HPSE2: variants seen among roughly 807,000 people sequenced by gnomAD.
The protein encoded by HPSE2 is heparanase 2 (inactive).
A neutral mutation model predicts 60.5 loss-of-function variants in HPSE2; 38 were observed. The ratio of observed to expected loss-of-function variants is 0.63; its 90% confidence interval spans 0.48 to 0.82. The LOEUF is 0.82. Among genes scored for constraint, HPSE2 ranks in the 40% least tolerant of loss-of-function variants. The pLI, the probability that HPSE2 is intolerant of heterozygous loss-of-function variation, is 0.00. For missense variants in HPSE2, 713 were observed against 740.4 expected (o/e 0.96, Z 0.43); for synonymous variants, 295 against 293.2 (o/e 1.01, Z -0.06).
chr10:99,234,985 CT>C (rs1849790429), intron 1 of HPSE2, among the ~76,000 whole-genome samples: 1 of 152,096 alleles, frequency 6.6e-6, no homozygotes, highest in Non-Finnish European at 1.5e-5. Flanking sequence ...CAAGCCTCTG[CT>C]TAAATTCGTT....
At chr10:98,597,970 CAAAAAAA>C (rs571184082) in intron 9 of HPSE2, among the ~76,000 whole-genome samples, 33 of 55,148 alleles carry the variant, frequency 6.0e-4, no homozygotes, top group African/African-American at 7.3e-4. Context: ...GACTCCATCT[CAAAAAAA>C]AAAAAAAAAA....
intron 2 of HPSE2, among the ~76,000 whole-genome samples, chr10:99,151,843 G>C (rs1846277464): frequency 6.6e-6 from 1 of 152,108 alleles, no homozygotes; most frequent in South Asian, 2.1e-4. Context: ...TTGAGCTCAG[G>C]AGTTTGAGGT....
chr10:98,923,775 A>G (rs1276859703), intron 3 of HPSE2, among the ~76,000 whole-genome samples: 1 of 152,004 alleles, frequency 6.6e-6, no homozygotes, highest in Non-Finnish European at 1.5e-5. Flanking sequence ...CTCTTTGTTA[A>G]ATTTACCTGA....
intron 6 of HPSE2, among the ~76,000 whole-genome samples, chr10:98,655,572 GT>G (rs1589581898): frequency 1.3e-5 from 2 of 152,182 alleles, no homozygotes; most frequent in Admixed American, 1.3e-4. Flanking sequence ...TTGATTGTCA[GT>G]TTGTTTAGCT....
chr10:99,219,222 T>C (rs554161635), intron 2 of HPSE2, among the ~76,000 whole-genome samples: 4 of 152,208 alleles, frequency 2.6e-5, no homozygotes, highest in Non-Finnish European at 5.9e-5. Context: ...GATTTTGGCA[T>C]CCCACAGAGT....
chr10:98,798,305 A>AC (rs1950827238), intron 3 of HPSE2, among the ~76,000 whole-genome samples: 1 of 152,228 alleles, frequency 6.6e-6, no homozygotes, highest in African/African-American at 2.4e-5. Context: ...TCACCACCAC[A>AC]CCTGTCTTAC....
At chr10:98,559,386 C>T (rs555579648) in intron 9 of HPSE2, among the ~76,000 whole-genome samples, 1 of 152,106 alleles carries the variant, frequency 6.6e-6, no homozygotes, top group South Asian at 2.1e-4. Context: ...ACTTTTTGCC[C>T]TGTGTACTCT....
chr10:98,484,893 GGT>G (rs1941383643), intron 10 of HPSE2, among the ~76,000 whole-genome samples: 1 of 152,054 alleles, frequency 6.6e-6, no homozygotes, highest in African/African-American at 2.4e-5. Context: ...GTTTCTAAGG[GGT>G]CCCTTAGGGC....
intron 2 of HPSE2, among the ~76,000 whole-genome samples, chr10:99,171,539 G>T (rs1405214860): frequency 1.3e-5 from 2 of 151,982 alleles, no homozygotes; most frequent in African/African-American, 4.8e-5. Context: ...AATATCAAGA[G>T]GACCCTAAAA....
chr10:99,141,957 C>T (rs1227902063), intron 3 of HPSE2, among the ~76,000 whole-genome samples: 1 of 152,170 alleles, frequency 6.6e-6, no homozygotes, highest in Non-Finnish European at 1.5e-5. Flanking sequence ...TTACTATACA[C>T]CCATACACAT....
chr10:98,733,060 C>G (rs1048683755), intron 4 of HPSE2, among the ~76,000 whole-genome samples: 2 of 152,086 alleles, frequency 1.3e-5, no homozygotes, highest in Non-Finnish European at 2.9e-5. Context: ...TCAGGTCCTT[C>G]TATTTAATAT....
At chr10:99,148,161 T>G (rs955778502) in intron 2 of HPSE2, among the ~76,000 whole-genome samples, 50 of 152,212 alleles carry the variant, frequency 3.3e-4, no homozygotes, top group African/African-American at 1.2e-3. Flanking sequence ...GCTACATTCC[T>G]TGCCTCCCAA....
At chr10:99,069,041 A>G (rs1790062386) in intron 3 of HPSE2, among the ~76,000 whole-genome samples, 1 of 152,224 alleles carries the variant, frequency 6.6e-6, no homozygotes. Context: ...ACATTTAGGA[A>G]GAAATAATGC....
intron 3 of HPSE2, among the ~76,000 whole-genome samples, chr10:98,755,779 C>T (rs891483251): frequency 4.6e-5 from 7 of 152,078 alleles, no homozygotes; most frequent in East Asian, 1.9e-4. Flanking sequence ...GGGCAGATCA[C>T]GATGTCAGGA....
At chr10:98,839,721 C>T (rs1029264305) in intron 3 of HPSE2, among the ~76,000 whole-genome samples, 1 of 152,118 alleles carries the variant, frequency 6.6e-6, no homozygotes, top group African/African-American at 2.4e-5. Flanking sequence ...CTCCTGAGTT[C>T]TCAGATGACC....
In HPSE2 at chr10:99,011,754, C is replaced by CAAAAAAAAAAAAAAAAAAAAA; in HGVS notation, c.610+132483_610+132484insTTTTTTTTTTTTTTTTTTTTT. Among the ~76,000 whole-genome samples, 2 of 93,108 alleles carry CAAAAAAAAAAAAAAAAAAAAA rather than the reference C, an allele frequency of 2.1e-5. 1 individual carries two copies. The highest frequency in any genetic ancestry group is 3.9e-5 in the Non-Finnish European group (2 of 50,732). The allele number at this position is 93,108 out of a possible 152,430, so 61.1% of individuals were successfully genotyped here. A position where few individuals can be genotyped will look rare whatever the true frequency, so the allele number is the denominator to read the frequency against. ...CTGGCGACAGAGCAAGACTCCATCTCAAAAAAAAAAAAAAAAAAAATGCTC... is the reference window on the plus strand; with the variant it reads ...CTGGCGACAGAGCAAGACTCCATCTCAAAAAAAAAAAAAAAAAAAAAAAAAAAAAAAAAAAAAAAAATGCTC... On this transcript the variant is annotated intron_variant, in intron 3 of 11. Coordinates refer to ENST00000370552, the MANE Select transcript of HPSE2 (RefSeq NM_021828.5).
At chr10:99,232,250 C>CG in intron 2 of HPSE2, 98 bp downstream of exon 2, 4 of 1,366,832 alleles carry the variant, frequency 2.9e-6, no homozygotes, top group Non-Finnish European at 4.1e-6. Flanking sequence ...CACACACACA[C>CG]ACACACGAAC....
chr10:99,023,426 G>A (rs188823279), intron 3 of HPSE2, among the ~76,000 whole-genome samples: 1 of 152,224 alleles, frequency 6.6e-6, no homozygotes, highest in East Asian at 1.9e-4. Context: ...GGACATCACC[G>A]ACCTGAAAAG....
rs532195765 is a variant in HPSE2 at position 98,473,311 on chromosome 10, C to T, written c.1613+9325G>A. Among the ~76,000 whole-genome samples the T allele has an allele frequency of 2.4e-3, 359 of 151,654 alleles. 1 individual carries two copies. The highest frequency in any genetic ancestry group is 2.7e-3 in the Non-Finnish European group (183 of 67,886). ...ACCAGCCTGACCAACATGGTGAAACCCCGTCTCTACTAAAAATACAAAAAT... is the reference window on the plus strand; with the variant it reads ...ACCAGCCTGACCAACATGGTGAAACTCCGTCTCTACTAAAAATACAAAAAT... On this transcript the variant is annotated intron_variant, in intron 11 of 11. Transcript: ENST00000370552.
Sources: allele counts gnomAD v4.1 joint callset (sites outside exome capture counted in the v4.1 genomes callset), GRCh38; gene constraint gnomAD v4.1.1; transcripts MANE v1.5; gene names NCBI Gene and HGNC (gene_info 2026-07-23, HGNC 2026-07-21).